The following ZCCHC2 variants were observed in gnomAD, a reference collection of about 807,000 sequenced individuals.
The protein encoded by ZCCHC2 is zinc finger CCHC domain-containing protein 2.
ZCCHC2 carries 39 observed loss-of-function variants against 103.6 expected under a neutral mutation model. The observed-to-expected ratio is 0.38, with a 90% CI of 0.29 to 0.49. The LOEUF (loss-of-function observed/expected upper bound fraction) is 0.49. ZCCHC2 is among the 20% of genes least tolerant of loss of function. The pLI is 0.96. For synonymous variants in ZCCHC2, 687 were observed against 608.9 expected (o/e 1.13, Z -1.89); for missense variants, 1,483 against 1,491.0 (o/e 0.99, Z 0.09).
intron 5 of ZCCHC2, chr18:62,551,710 CCT>C (rs1317746558): frequency 6.5e-6 from 1 of 153,098 alleles, no homozygotes; most frequent in South Asian, 2.1e-4. Context: ...GTGGCACTCA[CCT>C]CTCTGAGGGC....
intron 8 of ZCCHC2, 72 bp from the exon 9 acceptor site, chr18:62,562,937 C>G: frequency 5.9e-6 from 9 of 1,519,466 alleles, no homozygotes; most frequent in Non-Finnish European, 8.1e-6. Flanking sequence ...GTTACTGTAA[C>G]TTCTTTGTTG....
chr18:62,585,889 G>C (rs1303116042), exon 15 of ZCCHC2: 1 of 152,186 alleles, frequency 6.6e-6, no homozygotes, highest in African/African-American at 2.4e-5. Flanking sequence ...AGGCACAAAG[G>C]CTAAGAAGTC....
chr18:62,540,734 C>T (rs1481844622), intron 2 of ZCCHC2, among the ~76,000 whole-genome samples: 4 of 152,098 alleles, frequency 2.6e-5, no homozygotes, highest in Non-Finnish European at 5.9e-5. Context: ...TGACAATTAA[C>T]TGTAAAGGTG....
chr18:62,547,782 G>A (rs939356306), intron 4 of ZCCHC2, among the ~76,000 whole-genome samples: 3 of 152,020 alleles, frequency 2.0e-5, no homozygotes, highest in African/African-American at 4.8e-5. Context: ...GGCTGATCTT[G>A]AACTCCTGAG....
intron 5 of ZCCHC2, among the ~76,000 whole-genome samples, chr18:62,552,829 G>T (rs192059410): frequency 1.3e-5 from 2 of 151,176 alleles, no homozygotes; most frequent in African/African-American, 2.4e-5. Flanking sequence ...GCTTGAGGCC[G>T]CAGTGAGCTA....
Position 62,570,092 on chromosome 18 carries a change from G to A in ZCCHC2, c.1847-11G>A, listed in dbSNP as rs1252910250. 1.3e-6 allele frequency: 2 copies of A among 1,580,212 alleles called. No homozygotes were observed. The highest frequency in any genetic ancestry group is 1.7e-6 in the Non-Finnish European group (2 of 1,163,656). On this transcript the variant is annotated splice_polypyrimidine_tract_variant and intron_variant, in intron 11 of 13. Coordinates refer to ENST00000269499, the MANE Select transcript of ZCCHC2 (RefSeq NM_017742.6). ...TAACATGATTTTTTAAAATAGTGTT[G>A]TTATTTTTAGATGTGAATTTGGACA... is the stretch of plus-strand genomic sequence containing the variant.
intron 1 of ZCCHC2, among the ~76,000 whole-genome samples, chr18:62,529,061 G>A (rs1379330333): frequency 2.7e-5 from 4 of 148,546 alleles, no homozygotes; most frequent in African/African-American, 9.9e-5. Context: ...ACAGGAGGCT[G>A]AGACAAGAGA....
chr18:62,534,424 G>A (rs1223398727), intron 1 of ZCCHC2, among the ~76,000 whole-genome samples: 1 of 152,172 alleles, frequency 6.6e-6, no homozygotes, highest in Non-Finnish European at 1.5e-5. Flanking sequence ...GGATGGAAAA[G>A]TCATATATTA....
intron 1 of ZCCHC2, chr18:62,524,692 T>G: frequency 3.0e-6 from 1 of 337,586 alleles, no homozygotes; most frequent in Non-Finnish European, 5.4e-6. Flanking sequence ...CGGGACGTTT[T>G]TGGCTCTGAG....
rs923566876 is a variant in ZCCHC2, at chr18:62,523,817, C to T, written c.393C>T (p.Gly131=). ...ACCCGCTGGAGCTGCGCTTCCTTGG[C>T]TCGTGCCTGGAGGACCTGGCGCGCA... The part of the protein sequence containing the change: ...LCNPLELRFL[G]SCLEDLARKD... The change falls in exon 1 of 14, where the codon GGC becomes GGT. Residue 131 remains glycine, a synonymous_variant. Transcript: ENST00000269499. 103 of 1,544,136 alleles carry T rather than the reference C, an allele frequency of 6.7e-5. No individual in the cohort carries two copies. The highest frequency in any genetic ancestry group is 5.7e-4 in the Admixed American group (29 of 50,932).
At position 62,524,010 on chromosome 18, in the gene ZCCHC2, C is replaced by T. The variant is rs1186017990; in HGVS notation, c.586C>T (p.Pro196Ser). ...CGCTGGCCGTCTGCACCGCCTGCTA[C>T]CCCAGGTGGACTCGGTGCTCAAAAG... ...EAAGRLHRLL[P>S]QVDSVLKSLR... is the part of the protein sequence containing the mutation. The change falls in exon 1 of 14, where the codon CCC (proline) becomes TCC (serine). Residue 196 changes from proline (P) to serine (S), a missense_variant. Around this residue, in one of 3 missense-constraint regions of ZCCHC2, gnomAD observed 568 missense variants for 525.1 expected, o/e 1.08. Coordinates refer to ENST00000269499, the MANE Select transcript of ZCCHC2 (RefSeq NM_017742.6). 3.4e-6 allele frequency: 5 copies of T among 1,482,214 alleles called. No homozygotes were observed. The highest frequency in any genetic ancestry group is 3.6e-6 in the Non-Finnish European group (4 of 1,125,204). 91.8% of individuals were successfully genotyped at this position (1,482,214 alleles called of 1,614,324 possible). A position where few individuals can be genotyped will look rare whatever the true frequency, so the allele number is the denominator to read the frequency against.
In ZCCHC2 at chr18:62,556,210, T is replaced by C; in HGVS notation, c.1321T>C (p.Phe441Leu). 6.3e-7 allele frequency: 1 copy of C among 1,598,740 alleles called. No homozygotes were observed. Among genetic ancestry groups the C allele is most frequent in the Non-Finnish European group, 8.5e-7 (1 of 1,172,032 alleles). The change falls in exon 6 of 14, where the codon TTT becomes CTT. Residue 441 changes from phenylalanine (F) to leucine (L), a missense_variant. Physicochemically the swap from Phe to Leu is conservative, Grantham distance 22 (BLOSUM62 0). Transcript: ENST00000269499. Reference protein sequence around the residue: ...PDLEPILRQLFSSSSQAFLQS... With the variant: ...PDLEPILRQLLSSSSQAFLQS... ...TTTTCTTTTTATGTGCAGGCAGCTA[T>C]TTTCAAGTTCATCACAAGCTTTTCT...
chr18:62,532,449 T>G (rs1914725378), intron 1 of ZCCHC2, among the ~76,000 whole-genome samples: 1 of 152,232 alleles, frequency 6.6e-6, no homozygotes, highest in African/African-American at 2.4e-5. Flanking sequence ...TTAATACTAC[T>G]ACCAGATACA....
In ZCCHC2 at chr18:62,524,434, C is replaced by T. The variant is rs895148711; in HGVS notation, c.939+71C>T. The T allele has an allele frequency of 3.5e-6, 5 of 1,423,688 alleles. No homozygotes were observed. In the African/African-American group the frequency reaches 6.0e-5, roughly 17 times the overall value. The allele number at this position is 1,423,688 out of a possible 1,614,324, so 88.2% of individuals were successfully genotyped here. A position where few individuals can be genotyped will look rare whatever the true frequency, so the allele number is the denominator to read the frequency against. ...CCGGCGGCCTCCCCGGCCTCGCTCT[C>T]GGACGCCCCTTGCCCGAGCCCCAGC... is the stretch of plus-strand genomic sequence containing the variant. On this transcript the variant is annotated intron_variant, in intron 1 of 13. Coordinates refer to ENST00000269499, the MANE Select transcript of ZCCHC2 (RefSeq NM_017742.6).
Position 62,523,291 on chromosome 18 carries a change from C to T in ZCCHC2, c.-134C>T, listed in dbSNP as rs1258827744. On this transcript the variant is annotated 5_prime_UTR_variant, in exon 1 of 14. Coordinates refer to ENST00000269499, the MANE Select transcript of ZCCHC2 (RefSeq NM_017742.6). The stretch of plus-strand genomic sequence containing the variant: ...CCCCCCTCGCCGGCCGAGACCCGCC[C>T]CCGGCCCCGGCCCTCCCCCGGCGGC... The T allele has an allele frequency of 1.5e-4, 134 of 879,342 alleles. No individual in the cohort carries two copies. The highest frequency in any genetic ancestry group is 6.3e-5 in the Admixed American group (1 of 15,980). The allele number at this position is 879,342 out of a possible 1,614,324, so 54.5% of individuals were successfully genotyped here.
chr18:62,576,222 T>A (rs1916835842), intron 13 of ZCCHC2, among the ~76,000 whole-genome samples: 1 of 152,230 alleles, frequency 6.6e-6, no homozygotes, highest in African/African-American at 2.4e-5. Flanking sequence ...TTCACTTGCA[T>A]TTGACCTTTG....
chr18:62,541,622 T>C (rs1224184311), intron 2 of ZCCHC2, among the ~76,000 whole-genome samples: 2 of 152,222 alleles, frequency 1.3e-5, no homozygotes, highest in African/African-American at 2.4e-5. Context: ...GCATATTCAT[T>C]ATCAGCCTGA....
Position 62,558,672 on chromosome 18 carries a change from G to T in ZCCHC2, c.1409-15G>T. 6.9e-7 allele frequency: 1 copy of T among 1,439,884 alleles called. No individual in the cohort carries two copies. The allele number at this position is 1,439,884 out of a possible 1,614,324, so 89.2% of individuals were successfully genotyped here. A position where few individuals can be genotyped will look rare whatever the true frequency, so the allele number is the denominator to read the frequency against. On this transcript the variant is annotated splice_polypyrimidine_tract_variant and intron_variant, in intron 6 of 13. Transcript: ENST00000269499. ...ATTTTCCTAAAAAGTTAATAGTATT[G>T]AATGCTTCCTGCAGATAACTTACAA...
intron 7 of ZCCHC2, among the ~76,000 whole-genome samples, chr18:62,559,723 A>G (rs1182063729): frequency 6.6e-6 from 1 of 152,246 alleles, no homozygotes; most frequent in Non-Finnish European, 1.5e-5. Context: ...TGAACATTTC[A>G]AATGTTAGTA....
Sources: gnomAD v4.1 joint callset for allele counts (sites outside exome capture counted in the v4.1 genomes callset) on GRCh38, gnomAD v4.1.1 for gene constraint, gnomAD v4.1.1 regional missense constraint, MANE v1.5 for transcripts, NCBI Gene and HGNC (gene_info 2026-07-23, HGNC 2026-07-21) for gene names.